Variants in LIMK2 observed in about 807,000 individuals in gnomAD.
LIMK2 encodes LIM domain kinase 2.
Under a neutral mutation model 75.7 loss-of-function variants are expected in LIMK2, and 35 were observed. That is an observed-to-expected ratio of 0.46 (90% CI 0.35 to 0.61). LIMK2 has a LOEUF of 0.61. LIMK2 is among the 20% of genes least tolerant of loss of function. The pLI, the probability that LIMK2 is intolerant of heterozygous loss-of-function variation, is 0.00. For synonymous variants in LIMK2, 301 were observed against 319.2 expected (o/e 0.94, Z 0.61); for missense variants, 623 against 831.0 (o/e 0.75, Z 3.08).
chr22:31,250,586 C>T (rs1444671009), intron 2 of LIMK2, among the ~76,000 whole-genome samples: 1 of 152,156 alleles, frequency 6.6e-6, no homozygotes, highest in East Asian at 1.9e-4. Flanking sequence ...CTTCCCTTCC[C>T]CAAATAAGAG....
chr22:31,214,693 C>T (rs1364662986), intron 1 of LIMK2, among the ~76,000 whole-genome samples: 1 of 151,994 alleles, frequency 6.6e-6, no homozygotes, highest in Non-Finnish European at 1.5e-5. Flanking sequence ...AAAAAGCTCA[C>T]AGAGCATTCC....
At chr22:31,246,772 C>A (rs112771768) in intron 2 of LIMK2, among the ~76,000 whole-genome samples, 887 of 119,800 alleles carry the variant, frequency 7.4e-3, no homozygotes, top group Non-Finnish European at 8.1e-3. Flanking sequence ...AAAAAAAAAA[C>A]AAAAAAAAAA....
In LIMK2 at chr22:31,262,849, AGCTG is replaced by A. The variant is rs2048855205; in HGVS notation, c.854+62_854+65del. ...TATGTCTGTCTCTCGGATGAAGCTG[AGCTG>A]GCTTTCAGAAGCCTGCAGAGTTAGG... On this transcript the variant is annotated intron_variant, in intron 7 of 15. Coordinates refer to ENST00000331728, the MANE Select transcript of LIMK2 (RefSeq NM_005569.4). The surrounding 1 kb of genome is among the most constrained non-coding windows in gnomAD (Gnocchi z 5.0). 1 of 1,421,892 alleles carries A rather than the reference AGCTG, an allele frequency of 7.0e-7. No homozygotes were observed. Among genetic ancestry groups the A allele is most frequent in the African/African-American group, 1.4e-5 (1 of 69,288 alleles). 88.1% of individuals were successfully genotyped at this position (1,421,892 alleles called of 1,614,324 possible). A position where few individuals can be genotyped will look rare whatever the true frequency, so the allele number is the denominator to read the frequency against.
chr22:31,220,136 A>G lies in LIMK2; in HGVS notation c.17-5584A>G, dbSNP rs181735632. ...TAGATCAATGAATTTTTAAGACTGT[A>G]AGAGAGCTAAAGAAGTCAAGAGTGT... On this transcript the variant is annotated intron_variant, in intron 1 of 15. Coordinates refer to ENST00000331728, the MANE Select transcript of LIMK2 (RefSeq NM_005569.4). 6.5e-3 allele frequency among the ~76,000 whole-genome samples: 993 copies of G among 152,336 alleles called. 5 individuals are homozygous for G. The highest frequency in any genetic ancestry group is 0.012 in the Non-Finnish European group (813 of 68,020).
chr22:31,243,937 T>G lies in LIMK2; in HGVS notation c.117-14354T>G, dbSNP rs575212597. On this transcript the variant is annotated intron_variant, in intron 2 of 15. Coordinates refer to ENST00000331728, the MANE Select transcript of LIMK2 (RefSeq NM_005569.4). ...CTTATCACATCTGGTGATCAATCCT[T>G]CAAAGGTTCCTCCTGAAGTCTGAAT... Among the ~76,000 whole-genome samples the G allele has an allele frequency of 7.9e-5, 12 of 152,344 alleles. No individual in the cohort carries two copies. In the South Asian group the frequency reaches 2.5e-3, roughly 32 times the overall value.
chr22:31,236,908 C>CTCTGTCTCAA (rs2048581070), intron 2 of LIMK2, among the ~76,000 whole-genome samples: 1 of 149,954 alleles, frequency 6.7e-6, no homozygotes. Flanking sequence ...CAGAGCGAGA[C>CTCTGTCTCAA]TCTGTCTCAA....
At chr22:31,215,978 C>T (rs2123759490) in intron 1 of LIMK2, among the ~76,000 whole-genome samples, 1 of 152,292 alleles carries the variant, frequency 6.6e-6, no homozygotes. Context: ...CAGCAAGGAA[C>T]AAGATAGACC....
rs1018430821 is a variant in LIMK2 at position 31,275,014 on chromosome 22, T to C, written c.1615-137T>C. On this transcript the variant is annotated intron_variant, in intron 14 of 15. Coordinates refer to ENST00000331728, the MANE Select transcript of LIMK2 (RefSeq NM_005569.4). ...TAAGATTTGGAGAGATGATTGGGGATTGGGGAGAGCTCTCTAACCTATTTT... is the reference window on the plus strand; with the variant it reads ...TAAGATTTGGAGAGATGATTGGGGACTGGGGAGAGCTCTCTAACCTATTTT... 26 of 785,170 alleles carry C rather than the reference T, an allele frequency of 3.3e-5. No homozygotes were observed. In the African/African-American group the frequency reaches 3.8e-4, roughly 11 times the overall value. 48.6% of individuals were successfully genotyped at this position (785,170 alleles called of 1,614,324 possible).
chr22:31,255,978 CTTTTTTTTTTTTTTTTTTTTT>C (rs567250437), intron 2 of LIMK2, among the ~76,000 whole-genome samples: 31 of 29,636 alleles, frequency 1.0e-3, no homozygotes, highest in Non-Finnish European at 1.2e-3. Flanking sequence ...TATATTGGGT[CTTTTTTTTTTTTTTTTTTTTT>C]TTTTTTTTTT....
intron 2 of LIMK2, among the ~76,000 whole-genome samples, chr22:31,249,339 C>T (rs1210924348): frequency 6.6e-6 from 1 of 152,144 alleles, no homozygotes; most frequent in Non-Finnish European, 1.5e-5. Context: ...TGGGGAAAGA[C>T]CTGGGCGAGT....
intron 15 of LIMK2, chr22:31,275,606 T>G: frequency 1.3e-5 from 4 of 315,250 alleles, no homozygotes; most frequent in African/African-American, 6.4e-5. Flanking sequence ...TCTTTCGATA[T>G]TCCCCTGTCC....
At chr22:31,256,248 C>CA (rs2048779939) in intron 2 of LIMK2, among the ~76,000 whole-genome samples, 1 of 150,496 alleles carries the variant, frequency 6.6e-6, no homozygotes, top group Non-Finnish European at 1.5e-5. Flanking sequence ...CTGCCCGCCT[C>CA]AGCCTCCCAA....
chr22:31,272,598 C>T lies in LIMK2; in HGVS notation c.1452C>T (p.Pro484=). ...TAGTGGAAGAGAGGAAAAGGGCCCC[C>T]ATGGAGAAGGCCACCACCAAGAAAC... ...RLIVEERKRA[P]MEKATTKKRT... is the part of the protein sequence containing the mutation. Residue 484 remains proline (P), a synonymous_variant, in exon 13 of 16, where the codon CCC becomes CCT. Coordinates refer to ENST00000331728, the MANE Select transcript of LIMK2 (RefSeq NM_005569.4). 6.2e-7 allele frequency: 1 copy of T among 1,613,964 alleles called. No homozygotes were observed. Among genetic ancestry groups the T allele is most frequent in the South Asian group, 1.1e-5 (1 of 91,064 alleles).
chr22:31,261,285 C>T (rs1001636717), intron 5 of LIMK2, among the ~76,000 whole-genome samples: 4 of 152,024 alleles, frequency 2.6e-5, no homozygotes, highest in South Asian at 2.1e-4. Flanking sequence ...CAGTGGCTCA[C>T]GCCTGTAATC....
intron 1 of LIMK2, among the ~76,000 whole-genome samples, chr22:31,216,876 G>A (rs2048393192): frequency 6.6e-6 from 1 of 152,108 alleles, no homozygotes; most frequent in Non-Finnish European, 1.5e-5. Flanking sequence ...ACCTGAAACT[G>A]TAGCAGTCTC....
At chr22:31,276,960 G>A (rs369887567) in intron 15 of LIMK2, 16 of 1,613,798 alleles carry the variant, frequency 9.9e-6, no homozygotes, top group African/African-American at 1.3e-5. Context: ...GCCAGGAAGA[G>A]GAGATCTCAG....
intron 2 of LIMK2, among the ~76,000 whole-genome samples, chr22:31,252,151 T>C (rs948339017): frequency 3.3e-5 from 5 of 152,188 alleles, no homozygotes; most frequent in Non-Finnish European, 4.4e-5. Flanking sequence ...CTCTATCTTA[T>C]CTCACTTGGC....
chr22:31,262,309 A>G lies in LIMK2; in HGVS notation c.657+70A>G. 1 of 1,242,972 alleles carries G rather than the reference A, an allele frequency of 8.0e-7. No individual in the cohort carries two copies. The allele number at this position is 1,242,972 out of a possible 1,614,324, so 77.0% of individuals were successfully genotyped here. A position where few individuals can be genotyped will look rare whatever the true frequency, so the allele number is the denominator to read the frequency against. On this transcript the variant is annotated intron_variant, in intron 6 of 15. Transcript: ENST00000331728. The surrounding 1 kb of genome is among the most constrained non-coding windows in gnomAD (Gnocchi z 5.0). ...CAGATCCTCTGAGAAATCAGGCTGT[A>G]GCCTTTACCTTTTCCTACCCCCAGC...
intron 2 of LIMK2, among the ~76,000 whole-genome samples, chr22:31,249,878 C>G (rs930786162): frequency 1.4e-4 from 21 of 152,290 alleles, no homozygotes; most frequent in African/African-American, 5.1e-4. Flanking sequence ...CTCTACCAAG[C>G]GCCCTGCTAG....
Sources: gnomAD v4.1 joint callset for allele counts (sites outside exome capture counted in the v4.1 genomes callset) on GRCh38, gnomAD v4.1.1 for gene constraint, Gnocchi (gnomAD v3.1) non-coding constraint, MANE v1.5 for transcripts, NCBI Gene and HGNC (gene_info 2026-07-23, HGNC 2026-07-21) for gene names.